SMURF2: variants seen among roughly 807,000 people sequenced by gnomAD.
SMURF2 encodes SMAD specific E3 ubiquitin protein ligase 2.
Under a neutral mutation model 109.6 loss-of-function variants are expected in SMURF2, and 48 were observed. The ratio of observed to expected loss-of-function variants is 0.44; its 90% CI spans 0.35 to 0.56. SMURF2 has a LOEUF of 0.56. Among genes scored for constraint, SMURF2 ranks in the 20% least tolerant of loss-of-function variants. SMURF2 has a pLI of 0.01. For synonymous variants in SMURF2, 288 were observed against 317.1 expected, an observed-to-expected ratio of 0.91 and a Z score of 0.97; for missense variants, 575 against 909.0, an observed-to-expected ratio of 0.63 and a Z score of 4.72.
chr17:64,591,220 A>G (rs1568186653), intron 4 of SMURF2, 71 bp from the exon 5 acceptor site: 6 of 1,128,596 alleles, frequency 5.3e-6, no homozygotes, highest in Non-Finnish European at 7.9e-6. Flanking sequence ...CTATAGAGTG[A>G]CAATAAATTT....
At chr17:64,561,248 G>A (rs782528134) in intron 12 of SMURF2, among the ~76,000 whole-genome samples, 2 of 152,156 alleles carry the variant, frequency 1.3e-5, no homozygotes, top group African/African-American at 2.4e-5. Context: ...TACTTAAAGA[G>A]AGAGATGGAG....
chr17:64,640,920 A>G (rs1024369482), intron 1 of SMURF2, among the ~76,000 whole-genome samples: 10 of 151,234 alleles, frequency 6.6e-5, no homozygotes, highest in African/African-American at 2.4e-4. Flanking sequence ...TCCATCTCAA[A>G]AAAAAAAAAA....
chr17:64,628,940 G>C (rs1380574269), intron 1 of SMURF2, among the ~76,000 whole-genome samples: 1 of 151,948 alleles, frequency 6.6e-6, no homozygotes, highest in Non-Finnish European at 1.5e-5. Flanking sequence ...ATGTAGTATG[G>C]GACAGACAAC....
intron 1 of SMURF2, among the ~76,000 whole-genome samples, chr17:64,616,469 T>C (rs1357041685): frequency 6.6e-6 from 1 of 151,680 alleles, no homozygotes; most frequent in African/African-American, 2.4e-5. Context: ...GCCAACATAG[T>C]GAAACCCTGT....
At chr17:64,636,952 G>C (rs1048777641) in intron 1 of SMURF2, among the ~76,000 whole-genome samples, 14 of 152,026 alleles carry the variant, frequency 9.2e-5, no homozygotes, top group African/African-American at 3.1e-4. Flanking sequence ...GGGTGCAGTG[G>C]CTAATACCTG....
chr17:64,619,478 CAAAAAAAAAAAAAAA>C (rs552413988), intron 1 of SMURF2, among the ~76,000 whole-genome samples: 3 of 34,930 alleles, frequency 8.6e-5, no homozygotes, highest in African/African-American at 2.2e-4. Context: ...ACTCTTGTCT[CAAAAAAAAAAAAAAA>C]AAAAAAAAAA....
intron 1 of SMURF2, among the ~76,000 whole-genome samples, chr17:64,609,167 A>T (rs1484564364): frequency 6.6e-5 from 10 of 152,240 alleles, no homozygotes; most frequent in Middle Eastern, 3.2e-3. Flanking sequence ...GGATAGGAAG[A>T]ATCAATATTG....
intron 2 of SMURF2, among the ~76,000 whole-genome samples, chr17:64,600,387 A>G (rs1969877952): frequency 1.3e-5 from 2 of 152,212 alleles, no homozygotes; most frequent in African/African-American, 2.4e-5. Flanking sequence ...AGACATTGGG[A>G]TAGAGTAGAT....
At chr17:64,615,614 A>AT (rs1338616304) in intron 1 of SMURF2, among the ~76,000 whole-genome samples, 1 of 152,168 alleles carries the variant, frequency 6.6e-6, no homozygotes, top group Non-Finnish European at 1.5e-5. Context: ...CTTCTACACA[A>AT]TTTTTTATGT....
intron 16 of SMURF2, 43 bp downstream of exon 16, chr17:64,551,541 C>T (rs782274890): frequency 3.0e-5 from 47 of 1,587,680 alleles, no homozygotes; most frequent in Non-Finnish European, 3.9e-5. Context: ...ATTCCCAATC[C>T]TTCCTTGTTA....
At chr17:64,549,968 G>GGTGT (rs1403817293) in intron 16 of SMURF2, among the ~76,000 whole-genome samples, 1 of 152,118 alleles carries the variant, frequency 6.6e-6, no homozygotes, top group Non-Finnish European at 1.5e-5. Flanking sequence ...AAGGATTATG[G>GGTGT]GTGTATTTAA....
chr17:64,620,474 C>A (rs1555690536), intron 1 of SMURF2, among the ~76,000 whole-genome samples: 2 of 152,188 alleles, frequency 1.3e-5, no homozygotes, highest in African/African-American at 4.8e-5. Context: ...CCTAGACTGA[C>A]AAGCTCATCC....
chr17:64,555,742 T>C (rs1391022036), intron 14 of SMURF2, 78 bp downstream of exon 14: 16 of 986,338 alleles, frequency 1.6e-5, no homozygotes, highest in Non-Finnish European at 2.2e-5. Flanking sequence ...GTAATTTTTT[T>C]AAGTACATCA....
chr17:64,618,422 A>G lies in SMURF2; in HGVS notation c.53-11782T>C, dbSNP rs1412805834. Among the ~76,000 whole-genome samples, 5 of 152,218 alleles carry G rather than the reference A, an allele frequency of 3.3e-5. No individual in the cohort carries two copies. The South Asian group carries it at 8.3e-4, about 25-fold the overall frequency. Reference sequence around the variant, plus strand: ...GAAACCATCTGAAAGGATTTGTTATATATCTTAAACCAGTATTTCTGTGAA... The same window carrying G: ...GAAACCATCTGAAAGGATTTGTTATGTATCTTAAACCAGTATTTCTGTGAA... On this transcript the variant is annotated intron_variant, in intron 1 of 18. Coordinates refer to ENST00000262435, the MANE Select transcript of SMURF2 (RefSeq NM_022739.4).
At chr17:64,570,857 TG>T (rs1482555771) in intron 10 of SMURF2, among the ~76,000 whole-genome samples, 1 of 152,166 alleles carries the variant, frequency 6.6e-6, no homozygotes, top group African/African-American at 2.4e-5. Flanking sequence ...CACAGCTCAC[TG>T]CAGCCACGAC....
intron 9 of SMURF2, chr17:64,572,682 A>C (rs1426120855): frequency 3.3e-5 from 5 of 152,260 alleles, no homozygotes; most frequent in Admixed American, 2.6e-4. Flanking sequence ...AGGAGCTTCC[A>C]GGTTGGTGAA....
At chr17:64,562,633 C>T in intron 11 of SMURF2, 138 bp downstream of exon 11, 1 of 748,288 alleles carries the variant, frequency 1.3e-6, no homozygotes, top group East Asian at 2.9e-5. Context: ...CCACCTCAGC[C>T]TCCCAAAGTG....
rs532849563 is a variant in SMURF2, at chr17:64,584,695, T to C, written c.486-1151A>G. 2.3e-4 allele frequency among the ~76,000 whole-genome samples: 35 copies of C among 152,264 alleles called. 2 individuals carry two copies. In the South Asian group the frequency reaches 6.2e-3, roughly 27 times the overall value. ...TCTATCAACTCTTTACCATAATTAA[T>C]TTAATGAAAAAGAGCCAAATGACTA... On this transcript the variant is annotated intron_variant, in intron 6 of 18. Transcript: ENST00000262435.
rs1229607452 is a variant in SMURF2, at chr17:64,662,303, T to C, written c.-423A>G. 5.2e-6 allele frequency: 5 copies of C among 962,938 alleles called. No homozygotes were observed. The highest frequency in any genetic ancestry group is 1.8e-5 in the African/African-American group (1 of 55,608). The allele number at this position is 962,938 out of a possible 1,614,324, so 59.6% of individuals were successfully genotyped here. On this transcript the variant is annotated 5_prime_UTR_variant, in exon 1 of 19. Transcript: ENST00000262435. ...CCGCTTCCTCCTCCACCCGCCCTCTTGTCTGAGGGACCCGGGACCTGGGGC... is the reference window on the plus strand; with the variant it reads ...CCGCTTCCTCCTCCACCCGCCCTCTCGTCTGAGGGACCCGGGACCTGGGGC...
Sources: allele counts gnomAD v4.1 joint callset (sites outside exome capture counted in the v4.1 genomes callset), GRCh38; gene constraint gnomAD v4.1.1; transcripts MANE v1.5; gene names NCBI Gene and HGNC (gene_info 2026-07-23, HGNC 2026-07-21).